Variants in FEZ1 observed in about 807,000 individuals in gnomAD.
The protein encoded by FEZ1 is fasciculation and elongation protein zeta 1.
In FEZ1, 20 loss-of-function variants were observed where a neutral mutation model predicts 49.3. The ratio of observed to expected loss-of-function variants is 0.41; its 90% CI spans 0.29 to 0.59. FEZ1 has a LOEUF of 0.59. Among genes scored for constraint, FEZ1 ranks in the 20% least tolerant of loss-of-function variants. The probability of loss-of-function intolerance (pLI) is 0.36; values close to 1 mark genes in which losing one functional copy is unlikely to be tolerated. For synonymous variants in FEZ1, 170 were observed against 180.9 expected (o/e 0.94, Z 0.48); for missense variants, 413 against 476.0 (o/e 0.87, Z 1.23).
At chr11:125,486,703 T>A (rs1254176668) in intron 2 of FEZ1, among the ~76,000 whole-genome samples, 1 of 152,212 alleles carries the variant, frequency 6.6e-6, no homozygotes. Flanking sequence ...CACTTTTCAC[T>A]CATTTGTGGA....
rs10524234 is a variant in FEZ1 at position 125,495,799 on chromosome 11, GACACACACACACACACAC to G, written c.-46+304_-46+321del. On this transcript the variant is annotated intron_variant, in intron 1 of 9. Coordinates refer to ENST00000278919, the MANE Select transcript of FEZ1 (RefSeq NM_005103.5). The surrounding 1 kb of genome is among the most constrained non-coding windows in gnomAD (Gnocchi z 4.2). Reference sequence around the variant, plus strand: ...GCACACACGCGGGCACACACACGCGGACACACACACACACACACACACACACACACACACACCAGGCCT... The same window carrying G: ...GCACACACGCGGGCACACACACGCGGACACACACACACACACACCAGGCCT... 0.2 allele frequency: 61,613 copies of G among 309,922 alleles called. 4,594 individuals carry two copies. Among genetic ancestry groups the G allele is most frequent in the East Asian group, 0.32 (3,288 of 10,284 alleles). The allele number at this position is 309,922 out of a possible 1,614,324, so 19.2% of individuals were successfully genotyped here. A position where few individuals can be genotyped will look rare whatever the true frequency, so the allele number is the denominator to read the frequency against.
intron 3 of FEZ1, among the ~76,000 whole-genome samples, chr11:125,466,802 T>C (rs954663760): frequency 1.6e-4 from 24 of 152,142 alleles, no homozygotes; most frequent in African/African-American, 5.1e-4. Context: ...AGCCCTTGAT[T>C]CCAATAATGA....
intron 8 of FEZ1, 110 bp from the exon 9 acceptor site, chr11:125,448,677 C>G: frequency 1.3e-6 from 1 of 749,938 alleles, no homozygotes; most frequent in Non-Finnish European, 2.4e-6. Context: ...TCAAAAGAAC[C>G]AGACATTTAT....
chr11:125,454,339 G>T, intron 6 of FEZ1, 129 bp from the exon 7 acceptor site: 1 of 599,246 alleles, frequency 1.7e-6, no homozygotes, highest in South Asian at 2.3e-5. Flanking sequence ...GTAAGTGTAA[G>T]ACACTGGCTT....
chr11:125,485,991 G>T (rs899318387), intron 2 of FEZ1, among the ~76,000 whole-genome samples: 2 of 152,116 alleles, frequency 1.3e-5, no homozygotes, highest in African/African-American at 4.8e-5. Flanking sequence ...TAATGCGTTT[G>T]CTCAACTTTC....
intron 1 of FEZ1, among the ~76,000 whole-genome samples, chr11:125,490,063 AC>A (rs55695040): frequency 0.18 from 27,913 of 152,132 alleles, 2,697 homozygotes; most frequent in African/African-American, 0.22. Flanking sequence ...ATAATACTGA[AC>A]CCACCTCAAA....
chr11:125,479,313 G>A (rs1043184647), intron 3 of FEZ1, among the ~76,000 whole-genome samples: 4 of 152,160 alleles, frequency 2.6e-5, no homozygotes, highest in South Asian at 2.1e-4. Flanking sequence ...CCGAGTAAGG[G>A]GAATCTGTTT....
At chr11:125,481,353 T>C (rs1227728728) in intron 3 of FEZ1, among the ~76,000 whole-genome samples, 181 bp downstream of exon 3, 2 of 152,172 alleles carry the variant, frequency 1.3e-5, no homozygotes, top group African/African-American at 4.8e-5. Context: ...TTTCACCACG[T>C]GGCCCAGGCT....
At chr11:125,490,898 C>T (rs969692796) in intron 1 of FEZ1, among the ~76,000 whole-genome samples, 5 of 151,960 alleles carry the variant, frequency 3.3e-5, no homozygotes, top group East Asian at 3.9e-4. Flanking sequence ...CAAGTAGCTG[C>T]GTGTGCCACC....
chr11:125,479,427 G>A (rs1029187438), intron 3 of FEZ1, among the ~76,000 whole-genome samples: 5 of 152,142 alleles, frequency 3.3e-5, no homozygotes, highest in African/African-American at 1.2e-4. Context: ...CCTTCCTGAC[G>A]ATAAATTGTC....
chr11:125,461,618 C>A (rs552493574), intron 4 of FEZ1, among the ~76,000 whole-genome samples: 51 of 151,414 alleles, frequency 3.4e-4, no homozygotes, highest in African/African-American at 9.2e-4. Flanking sequence ...ACAACAACAA[C>A]AAAAAAAAGA....
At chr11:125,474,180 A>G (rs978303112) in intron 3 of FEZ1, among the ~76,000 whole-genome samples, 1 of 143,968 alleles carries the variant, frequency 6.9e-6, no homozygotes, top group Non-Finnish European at 1.5e-5. Context: ...ACGTGCCACC[A>G]TGCCAGGCTA....
chr11:125,474,888 A>G (rs1957216603), intron 3 of FEZ1, among the ~76,000 whole-genome samples: 1 of 152,150 alleles, frequency 6.6e-6, no homozygotes, highest in South Asian at 2.1e-4. Flanking sequence ...ACTCCAACTC[A>G]AAGAAAAAAA....
At chr11:125,483,807 ACGAG>A (rs922983930) in intron 2 of FEZ1, among the ~76,000 whole-genome samples, 1 of 152,198 alleles carries the variant, frequency 6.6e-6, no homozygotes, top group African/African-American at 2.4e-5. Flanking sequence ...GAGAACTTTA[ACGAG>A]CTACACACTT....
rs766201097 is a variant in FEZ1 at position 125,455,961 on chromosome 11, G to A, written c.813C>T (p.Ile271=). ...TGTTCTGAACCTCAATAAGCACCGT[G>A]ATAAAGGAGTTCTTCACTTCCTTCT... The part of the protein sequence containing the change: ...EFEKEVKNSF[I]TVLIEVQNKQ... The change falls in exon 6 of 10, where the codon ATC becomes ATT. Residue 271 remains isoleucine, a synonymous_variant. Coordinates refer to ENST00000278919, the MANE Select transcript of FEZ1 (RefSeq NM_005103.5). 13 of 1,613,306 alleles carry A rather than the reference G, an allele frequency of 8.1e-6. No individual in the cohort carries two copies. The African/African-American group carries it at 1.1e-4, about 13-fold the overall frequency.
intron 5 of FEZ1, among the ~76,000 whole-genome samples, chr11:125,456,720 G>C (rs1026936309): frequency 2.0e-5 from 3 of 152,180 alleles, no homozygotes. Context: ...TCAAAGGAAA[G>C]AAAAGGGAAG....
intron 3 of FEZ1, among the ~76,000 whole-genome samples, chr11:125,479,697 A>T (rs1432091164): frequency 6.6e-6 from 1 of 152,230 alleles, no homozygotes; most frequent in African/African-American, 2.4e-5. Flanking sequence ...CCCTTCTACC[A>T]TGTGGGGACA....
intron 6 of FEZ1, 71 bp from the exon 7 acceptor site, chr11:125,454,281 A>G: frequency 8.4e-7 from 1 of 1,196,666 alleles, no homozygotes; most frequent in South Asian, 1.3e-5. Flanking sequence ...GGGACCTCTC[A>G]GCTACCAGGC....
At chr11:125,491,293 A>G (rs1565305961) in intron 1 of FEZ1, among the ~76,000 whole-genome samples, 1 of 152,044 alleles carries the variant, frequency 6.6e-6, no homozygotes, top group Admixed American at 6.6e-5. Flanking sequence ...ACTGCTTCCA[A>G]CTGTGATTTA....
Sources: allele counts gnomAD v4.1 joint callset (sites outside exome capture counted in the v4.1 genomes callset), GRCh38; gene constraint gnomAD v4.1.1; non-coding constraint Gnocchi (gnomAD v3.1); transcripts MANE v1.5; gene names NCBI Gene and HGNC (gene_info 2026-07-23, HGNC 2026-07-21).